Variants in DHRSX observed in about 807,000 individuals in gnomAD.
DHRSX encodes dehydrogenase/reductase X-linked, also known as polyprenol dehydrogenase.
DHRSX carries 31 observed loss-of-function variants against 34.0 expected under a neutral mutation model. The observed-to-expected ratio is 0.91, with a 90% CI of 0.69 to 1.23. DHRSX has a LOEUF of 1.23. Among genes scored for constraint, DHRSX ranks in the 50% most tolerant of loss-of-function variants. The pLI is 0.00. For missense variants in DHRSX, 414 were observed against 428.1 expected (o/e 0.97, Z 0.29); for synonymous variants, 201 against 183.8 (o/e 1.09, Z -0.76).
intron 5 of DHRSX, among the ~76,000 whole-genome samples, chrX:2,245,489 T>C (rs1396196647): frequency 2.0e-5 from 3 of 151,452 alleles, no homozygotes; most frequent in Non-Finnish European, 4.4e-5. Flanking sequence ...TTTGTATTTT[T>C]AGTAGACATG....
At chrX:2,292,476 C>T (rs1194175608) in intron 3 of DHRSX, among the ~76,000 whole-genome samples, 1 of 152,192 alleles carries the variant, frequency 6.6e-6, no homozygotes, top group Non-Finnish European at 1.5e-5. Context: ...ATGAGCCCTT[C>T]CACGCTGCTG....
At chrX:2,271,990 G>A (rs1253619776) in intron 4 of DHRSX, among the ~76,000 whole-genome samples, 8 of 151,504 alleles carry the variant, frequency 5.3e-5, no homozygotes, top group Admixed American at 6.6e-5. Context: ...GCAGTGAGCC[G>A]AGATCACACC....
At chrX:2,392,471 G>A (rs916436077) in intron 3 of DHRSX, 6 of 293,268 alleles carry the variant, frequency 2.0e-5, no homozygotes, top group South Asian at 9.6e-5. Flanking sequence ...CAAGACTCAC[G>A]TCTCTTAAAA....
chrX:2,257,718 C>T (rs1336696899), intron 5 of DHRSX, among the ~76,000 whole-genome samples: 3 of 152,228 alleles, frequency 2.0e-5, no homozygotes, highest in African/African-American at 4.8e-5. Flanking sequence ...CTCCGCCTCC[C>T]GGGTTCAAGC....
intron 1 of DHRSX, among the ~76,000 whole-genome samples, chrX:2,447,237 G>C (rs2044150406): frequency 6.6e-6 from 1 of 151,376 alleles, no homozygotes; most frequent in Admixed American, 6.6e-5. Flanking sequence ...ATGTGGCCAA[G>C]GAACACCACT....
intron 1 of DHRSX, among the ~76,000 whole-genome samples, chrX:2,435,868 T>C (rs1016064996): frequency 6.6e-6 from 1 of 152,254 alleles, no homozygotes; most frequent in Non-Finnish European, 1.5e-5. Flanking sequence ...CTATCCTTCT[T>C]GATCCTAGTA....
At chrX:2,243,794 T>TTTTTTGTTTG (rs1569478863) in intron 5 of DHRSX, among the ~76,000 whole-genome samples, 2 of 9,982 alleles carry the variant, frequency 2.0e-4, no homozygotes, top group African/African-American at 1.0e-3. Context: ...CCCTGTTTTT[T>TTTTTTGTTTG]TTTTTTTTTT....
At chrX:2,303,534 TC>T (rs2042039288) in intron 3 of DHRSX, among the ~76,000 whole-genome samples, 1 of 152,074 alleles carries the variant, frequency 6.6e-6, no homozygotes, top group South Asian at 2.1e-4. Context: ...GCCTGAGGCC[TC>T]CCCAGAAGCA....
At chrX:2,259,500 C>G (rs1279927777) in intron 5 of DHRSX, among the ~76,000 whole-genome samples, 2 of 151,934 alleles carry the variant, frequency 1.3e-5, no homozygotes, top group East Asian at 3.9e-4. Context: ...GGCTCTGGCT[C>G]TCAAGCCCTT....
chrX:2,414,942 A>C (rs776594162), intron 2 of DHRSX, among the ~76,000 whole-genome samples: 2 of 151,878 alleles, frequency 1.3e-5, no homozygotes, highest in East Asian at 3.9e-4. Flanking sequence ...CTTCATCATA[A>C]CCTAACCCAA....
intron 1 of DHRSX, among the ~76,000 whole-genome samples, chrX:2,447,568 G>C (rs2044154507): frequency 6.6e-6 from 1 of 151,970 alleles, no homozygotes; most frequent in Non-Finnish European, 1.5e-5. Context: ...GCCCATCAAC[G>C]GGATACCTGC....
chrX:2,459,732 C>CT (rs1341516468), intron 1 of DHRSX, among the ~76,000 whole-genome samples: 2 of 152,022 alleles, frequency 1.3e-5, no homozygotes, highest in Non-Finnish European at 2.9e-5. Context: ...GGTGTCTCCT[C>CT]TTAATTCAAT....
In DHRSX at chrX:2,497,285, C is replaced by T. The variant is rs758203329; in HGVS notation, c.109+3532G>A. 4.6e-5 allele frequency among the ~76,000 whole-genome samples: 7 copies of T among 151,938 alleles called. No homozygotes were observed. The South Asian group carries it at 1.0e-3, about 23-fold the overall frequency. ...GCACATGCCTGTAATCCCAGCTACT[C>T]GGGAGGCTGAGGCAGGAGAATCGCT... On this transcript the variant is annotated intron_variant, in intron 1 of 6. Coordinates refer to ENST00000334651, the MANE Select transcript of DHRSX (RefSeq NM_145177.3).
intron 4 of DHRSX, among the ~76,000 whole-genome samples, chrX:2,276,276 A>C (rs2041644562): frequency 6.6e-6 from 1 of 152,168 alleles, no homozygotes; most frequent in Non-Finnish European, 1.5e-5. Context: ...TTCATTGCGA[A>C]TTTTGTAAGG....
intron 3 of DHRSX, among the ~76,000 whole-genome samples, chrX:2,314,852 A>C (rs1284042843): frequency 6.6e-6 from 1 of 152,096 alleles, no homozygotes; most frequent in Non-Finnish European, 1.5e-5. Context: ...ATGGCTCGGA[A>C]GTCATTGAAA....
chrX:2,493,454 TTTA>T (rs941474243), intron 1 of DHRSX, among the ~76,000 whole-genome samples: 8 of 151,446 alleles, frequency 5.3e-5, no homozygotes, highest in Non-Finnish European at 7.4e-5. Flanking sequence ...TTAAATTCTA[TTTA>T]TTATTATTAT....
At chrX:2,413,719 A>G (rs1294442158) in intron 2 of DHRSX, among the ~76,000 whole-genome samples, 1 of 152,190 alleles carries the variant, frequency 6.6e-6, no homozygotes, top group Non-Finnish European at 1.5e-5. Context: ...ACTTCCTGTG[A>G]CCTACAAAAC....
chrX:2,464,129 T>G lies in DHRSX; in HGVS notation c.109+36688A>C, dbSNP rs188690348. The stretch of plus-strand genomic sequence containing the variant: ...GTACGTGGCTAAGGGACGGCCGCCA[T>G]GTACGCACTGAAGACGCTCCCTAAG... On this transcript the variant is annotated intron_variant, in intron 1 of 6. Transcript: ENST00000334651. Among the ~76,000 whole-genome samples, 61 of 151,552 alleles carry G rather than the reference T, an allele frequency of 4.0e-4. 1 individual carries two copies. Among genetic ancestry groups the G allele is most frequent in the Admixed American group, 3.3e-3 (50 of 15,234 alleles).
intron 1 of DHRSX, chrX:2,490,693 G>A (rs375953431): frequency 8.1e-6 from 13 of 1,613,718 alleles, no homozygotes; most frequent in African/African-American, 2.7e-5. Context: ...GGTCTGTCTG[G>A]GAGCTCTCCA....
Sources: allele counts gnomAD v4.1 joint callset (sites outside exome capture counted in the v4.1 genomes callset), GRCh38; gene constraint gnomAD v4.1.1; transcripts MANE v1.5; gene names NCBI Gene and HGNC (gene_info 2026-07-23, HGNC 2026-07-21).